PTPN3: variants seen among roughly 807,000 people sequenced by gnomAD.
PTPN3 encodes the protein protein tyrosine phosphatase non-receptor type 3.
In PTPN3, 96 loss-of-function variants were observed where a neutral mutation model predicts 132.7. The ratio of observed to expected loss-of-function variants is 0.72; its 90% confidence interval spans 0.61 to 0.86. The LOEUF (loss-of-function observed/expected upper bound fraction) is 0.86, where lower values mean the gene tolerates loss of function less well. Among genes scored for constraint, PTPN3 ranks in the 40% least tolerant of loss-of-function variants. The probability of loss-of-function intolerance (pLI) is 0.00; values close to 1 mark genes in which losing one functional copy is unlikely to be tolerated. For synonymous variants in PTPN3, 398 were observed against 429.0 expected (o/e 0.93, Z 0.89); for missense variants, 1,125 against 1,159.6 (o/e 0.97, Z 0.43).
chr9:109,425,213 G>C (rs1843158193), intron 12 of PTPN3, among the ~76,000 whole-genome samples: 1 of 152,188 alleles, frequency 6.6e-6, no homozygotes, highest in Non-Finnish European at 1.5e-5. Flanking sequence ...ACCACAAATA[G>C]TATCACTGAT....
the PTPN3 span, among the ~76,000 whole-genome samples, chr9:109,518,103 C>G: frequency 6.6e-6 from 1 of 151,226 alleles, no homozygotes; most frequent in Non-Finnish European, 1.5e-5. Flanking sequence ...TTCCTTTAAC[C>G]CTGCTCAGGT....
the PTPN3 span, among the ~76,000 whole-genome samples, chr9:109,503,422 C>A: frequency 6.6e-6 from 1 of 152,110 alleles, no homozygotes; most frequent in Non-Finnish European, 1.5e-5. Context: ...ATGTCTTTCT[C>A]GGCTGGGCAA....
At chr9:109,446,982 A>G (rs1472928728) in intron 6 of PTPN3, among the ~76,000 whole-genome samples, 4 of 152,196 alleles carry the variant, frequency 2.6e-5, no homozygotes, top group Admixed American at 6.5e-5. Context: ...AAAGTGCTCC[A>G]TATGTTCCAC....
rs201906486 is a variant in PTPN3, at chr9:109,428,722, A to G, written c.765-38T>C. ...AAACAAAACACAAACAAAGCACATC[A>G]GGGATCGGCCAGGTTGAAGCTGATG... is the stretch of plus-strand genomic sequence containing the variant. On this transcript the variant is annotated intron_variant, in intron 10 of 25. Transcript: ENST00000374541. 10 of 1,594,940 alleles carry G rather than the reference A, an allele frequency of 6.3e-6. No individual in the cohort carries two copies. The East Asian group carries it at 2.2e-4, about 36-fold the overall frequency.
At chr9:109,513,237 C>T in the PTPN3 span, among the ~76,000 whole-genome samples, 1 of 151,954 alleles carries the variant, frequency 6.6e-6, no homozygotes, top group African/African-American at 2.4e-5. Flanking sequence ...CCAGGCTGGT[C>T]TCAAACTCCT....
chr9:109,382,566 T>G, intron 23 of PTPN3, 119 bp from the exon 24 acceptor site: 2 of 1,140,018 alleles, frequency 1.8e-6, no homozygotes, highest in Non-Finnish European at 2.5e-6. Flanking sequence ...CGCACAGCCC[T>G]GCTGTGGCCC....
intron 18 of PTPN3, among the ~76,000 whole-genome samples, chr9:109,405,494 A>G (rs1588342312): frequency 6.6e-6 from 1 of 152,328 alleles, no homozygotes; most frequent in Middle Eastern, 3.4e-3. Context: ...TATAACAACA[A>G]CTATAAAGAC....
chr9:109,478,090 A>G (rs1846775766), intron 1 of PTPN3, among the ~76,000 whole-genome samples: 1 of 152,146 alleles, frequency 6.6e-6, no homozygotes, highest in Non-Finnish European at 1.5e-5. Context: ...CTGCCAGGAG[A>G]GAGGCTCAGG....
intron 1 of PTPN3, among the ~76,000 whole-genome samples, chr9:109,475,637 A>C (rs781153280): frequency 6.6e-6 from 1 of 152,178 alleles, no homozygotes; most frequent in Non-Finnish European, 1.5e-5. Context: ...CTCTGCTAAT[A>C]TTTGCTCTCA....
At chr9:109,452,266 CAAAAAA>C (rs1158259516) in intron 5 of PTPN3, among the ~76,000 whole-genome samples, 1 of 71,658 alleles carries the variant, frequency 1.4e-5, no homozygotes, top group South Asian at 5.1e-4. Context: ...AGCTCCGTCT[CAAAAAA>C]AAAAAAAAAA....
the PTPN3 span, among the ~76,000 whole-genome samples, chr9:109,508,222 G>A: frequency 2.7e-5 from 4 of 150,942 alleles, no homozygotes; most frequent in South Asian, 2.1e-4. Flanking sequence ...GTGCAGCGGC[G>A]CGATCTTGGC....
intron 2 of PTPN3, 106 bp from the exon 3 acceptor site, chr9:109,457,505 A>G: frequency 1.2e-6 from 1 of 818,900 alleles, no homozygotes; most frequent in Non-Finnish European, 1.9e-6. Context: ...AATGCTATGC[A>G]CACACACTTC....
At chr9:109,390,801 A>C (rs2131630376) in intron 21 of PTPN3, among the ~76,000 whole-genome samples, 1 of 152,100 alleles carries the variant, frequency 6.6e-6, no homozygotes, top group East Asian at 1.9e-4. Flanking sequence ...CATTACATGG[A>C]GAGAAATAGA....
chr9:109,523,621 T>C, the PTPN3 span, among the ~76,000 whole-genome samples: 1 of 152,292 alleles, frequency 6.6e-6, no homozygotes, highest in African/African-American at 2.4e-5. Flanking sequence ...TTTATGGCTC[T>C]TGTTGCTATG....
At position 109,404,540 on chromosome 9, in the gene PTPN3, G is replaced by A. The variant is rs1841401891; in HGVS notation, c.1861C>T (p.Pro621Ser). The A allele has an allele frequency of 1.3e-6, 2 of 1,568,872 alleles. No individual in the cohort carries two copies. Among genetic ancestry groups the A allele is most frequent in the East Asian group, 2.3e-5 (1 of 43,972 alleles). The change falls in exon 19 of 26, where the codon CCC becomes TCC. Residue 621 changes from proline to serine, a missense_variant. By Grantham distance (74) the Pro-to-Ser change is moderately conservative. Transcript: ENST00000374541. ...GTGTCCCCACCCTCCGGACACATGG[G>A]GAAAATGGCTTCGGGGAAAAGCTGG... is the stretch of plus-strand genomic sequence containing the variant. Reference protein sequence around the residue: ...LNQLFPEAIFPMCPEGGDTLE... With the variant: ...LNQLFPEAIFSMCPEGGDTLE...
chr9:109,469,448 G>A (rs919720597), intron 1 of PTPN3, among the ~76,000 whole-genome samples: 2 of 152,038 alleles, frequency 1.3e-5, no homozygotes, highest in East Asian at 1.9e-4. Flanking sequence ...GTGAAACCCC[G>A]TCTCTACTAA....
chr9:109,382,341 G>C lies in PTPN3; in HGVS notation c.2489C>G (p.Ser830Cys), dbSNP rs756732632. Residue 830 changes from serine (S) to cysteine (C), a missense_variant, in exon 24 of 26, where the codon TCT (serine) becomes TGT (cysteine). Transcript: ENST00000374541. The part of the protein sequence containing the change: ...DFLEFVNYVR[S>C]LRVDSEPVLV... ...GACGGGCTCGCTGTCCACTCTCAGA[G>C]ACCTCACATAGTTTACAAATTCCAG... The C allele has an allele frequency of 1.9e-6, 3 of 1,614,080 alleles. No individual in the cohort carries two copies. The highest frequency in any genetic ancestry group is 2.5e-6 in the Non-Finnish European group (3 of 1,179,972).
intron 12 of PTPN3, among the ~76,000 whole-genome samples, chr9:109,423,927 G>A (rs1003763565): frequency 4.6e-5 from 7 of 152,184 alleles, no homozygotes; most frequent in Non-Finnish European, 8.8e-5. Flanking sequence ...TAAACAATAT[G>A]AATCGCCCTG....
rs143664315 is a variant in PTPN3, at chr9:109,396,628, A to G, written c.1954-5067T>C. ...GTTCTCATTCTATCAGAGTATAGTTATAAGAAGCTCTGAAGCTAACGGTAA... is the reference window on the plus strand; with the variant it reads ...GTTCTCATTCTATCAGAGTATAGTTGTAAGAAGCTCTGAAGCTAACGGTAA... On this transcript the variant is annotated intron_variant, in intron 19 of 25. Coordinates refer to ENST00000374541, the MANE Select transcript of PTPN3 (RefSeq NM_002829.4). Among the ~76,000 whole-genome samples, 633 of 152,326 alleles carry G rather than the reference A, an allele frequency of 4.2e-3. 8 individuals carry two copies. Among genetic ancestry groups the G allele is most frequent in the African/African-American group, 0.015 (607 of 41,580 alleles).
Sources: allele counts gnomAD v4.1 joint callset (sites outside exome capture counted in the v4.1 genomes callset), GRCh38; gene constraint gnomAD v4.1.1; transcripts MANE v1.5; gene names NCBI Gene and HGNC (gene_info 2026-07-23, HGNC 2026-07-21).